The following ATP8B1 variants were observed in gnomAD, a reference collection of about 807,000 sequenced individuals.
ATP8B1 encodes the protein phospholipid-transporting ATPase IC.
In ATP8B1, 80 loss-of-function variants were observed where a neutral mutation model predicts 149.9. The ratio of observed to expected loss-of-function variants is 0.53; its 90% CI spans 0.45 to 0.64. ATP8B1 has a LOEUF of 0.64. ATP8B1 is among the 30% of genes least tolerant of loss of function. ATP8B1 has a pLI of 0.00. For synonymous variants in ATP8B1, 536 were observed against 562.8 expected (o/e 0.95, Z 0.67); for missense variants, 1,247 against 1,552.6 (o/e 0.80, Z 3.31).
chr18:57,729,417 A>G (rs2079738329), intron 2 of ATP8B1, among the ~76,000 whole-genome samples: 1 of 152,210 alleles, frequency 6.6e-6, no homozygotes, highest in Admixed American at 6.6e-5. Context: ...CTGTTTGGGC[A>G]ATCAACTAGA....
At chr18:57,711,455 T>A (rs976868588) in intron 2 of ATP8B1, among the ~76,000 whole-genome samples, 1 of 152,222 alleles carries the variant, frequency 6.6e-6, no homozygotes, top group Admixed American at 6.5e-5. Flanking sequence ...TGAATGCATA[T>A]ATGTACACAC....
chr18:57,652,051 G>T lies in ATP8B1; in HGVS notation c.3383C>A (p.Ser1128Tyr), dbSNP rs1330108602. ...HSAGIHVLFP[S>Y]AFQFTGTASN... ...ATACCAACCTGTAAATTGAAATGCA[G>T]ATGGAAAGAGAACATGTATTCCAGC... The change falls in exon 26 of 28, where the codon TCT becomes TAT. Residue 1128 changes from serine (S) to tyrosine (Y), a missense_variant. Ser to Tyr is a moderately radical substitution (Grantham distance 144, BLOSUM62 -2). This residue lies in a region of ATP8B1 where 230 missense variants were observed against 356.6 expected (regional missense o/e 0.65). Coordinates refer to ENST00000648908, the MANE Select transcript of ATP8B1 (RefSeq NM_001374385.1). 1 of 1,613,500 alleles carries T rather than the reference G, an allele frequency of 6.2e-7. No homozygotes were observed. Among genetic ancestry groups the T allele is most frequent in the Non-Finnish European group, 8.5e-7 (1 of 1,179,838 alleles).
chr18:57,800,823 C>T (rs1391308628), intron 1 of ATP8B1, among the ~76,000 whole-genome samples: 1 of 152,136 alleles, frequency 6.6e-6, no homozygotes, highest in Non-Finnish European at 1.5e-5. Context: ...TTTTCCACTA[C>T]TCCTTGCTTC....
chr18:57,663,648 T>C (rs1910653798), intron 20 of ATP8B1, among the ~76,000 whole-genome samples: 1 of 152,178 alleles, frequency 6.6e-6, no homozygotes, highest in Non-Finnish European at 1.5e-5. Flanking sequence ...TTATCTTGCT[T>C]TGGTTTTGAT....
intron 3 of ATP8B1, among the ~76,000 whole-genome samples, chr18:57,705,575 C>T (rs1417184090): frequency 1.3e-5 from 2 of 152,038 alleles, no homozygotes; most frequent in Non-Finnish European, 2.9e-5. Context: ...GAAGAGTGCC[C>T]CTTGAAGATG....
chr18:57,692,773 C>T (rs991208576), intron 11 of ATP8B1, among the ~76,000 whole-genome samples: 6 of 151,890 alleles, frequency 4.0e-5, no homozygotes, highest in African/African-American at 1.2e-4. Flanking sequence ...TATATTTGGG[C>T]GATTATTCCT....
chr18:57,789,309 C>T (rs1191770323), intron 1 of ATP8B1, among the ~76,000 whole-genome samples: 3 of 152,072 alleles, frequency 2.0e-5, no homozygotes, highest in African/African-American at 4.8e-5. Context: ...TGTGAGGTCT[C>T]GGAAAGAACC....
In ATP8B1 at chr18:57,652,134, A is replaced by G. The variant is rs149423934; in HGVS notation, c.3300T>C (p.Ala1100=). ...LDTSYWTFVN[A]FSIFGSIALY... The stretch of plus-strand genomic sequence containing the variant: ...GTGCAATGCTTCCAAAAATTGAAAA[A>G]GCATTCACAAAAGTCCAATAAGAAG... The change falls in exon 26 of 28, where the codon GCT becomes GCC. Residue 1100 remains alanine, a synonymous_variant. Coordinates refer to ENST00000648908, the MANE Select transcript of ATP8B1 (RefSeq NM_001374385.1). The G allele has an allele frequency of 5.0e-6, 8 of 1,614,038 alleles. No homozygotes were observed. Among genetic ancestry groups the G allele is most frequent in the Non-Finnish European group, 6.8e-6 (8 of 1,180,000 alleles).
At chr18:57,737,625 C>G (rs1017144790) in intron 1 of ATP8B1, 5 of 151,632 alleles carry the variant, frequency 3.3e-5, no homozygotes, top group Admixed American at 6.6e-5. Flanking sequence ...AGGCTGGTCT[C>G]AAACTCCGGG....
chr18:57,741,398 A>C (rs1356650947), intron 1 of ATP8B1, among the ~76,000 whole-genome samples: 1 of 152,184 alleles, frequency 6.6e-6, no homozygotes, highest in Non-Finnish European at 1.5e-5. Flanking sequence ...GCAAGATGTG[A>C]AGTTAGCATT....
intron 22 of ATP8B1, among the ~76,000 whole-genome samples, chr18:57,657,037 T>A (rs1056461022): frequency 6.6e-6 from 1 of 152,154 alleles, no homozygotes; most frequent in African/African-American, 2.4e-5. Context: ...CGTGCAGGTT[T>A]GTTACATGGG....
At position 57,667,118 on chromosome 18, in the gene ATP8B1, G is replaced by C; in HGVS notation, c.2259C>G (p.Thr753=). 1 of 1,613,174 alleles carries C rather than the reference G, an allele frequency of 6.2e-7. No individual in the cohort carries two copies. Residue 753 remains threonine (T), a synonymous_variant, in exon 20 of 28, where the codon ACC becomes ACG. Transcript: ENST00000648908. ...TAATATCCTCCCCATAGCAGATGGTGGTGTCTTCAGTCAGAAGTTCACAAG... is the reference window on the plus strand; with the variant it reads ...TAATATCCTCCCCATAGCAGATGGTCGTGTCTTCAGTCAGAAGTTCACAAG... ...GFACELLTED[T]TICYGEDINS...
intron 6 of ATP8B1, 151 bp from the exon 7 acceptor site, chr18:57,698,018 A>AG (rs1912910316): frequency 1.4e-6 from 1 of 705,038 alleles, no homozygotes. Flanking sequence ...AACATATTAA[A>AG]GGGGGGCATG....
intron 1 of ATP8B1, among the ~76,000 whole-genome samples, chr18:57,772,713 G>A (rs1032453508): frequency 2.0e-5 from 3 of 152,146 alleles, no homozygotes; most frequent in African/African-American, 7.2e-5. Context: ...TCTAAGGTAA[G>A]GCAGACCCTA....
At chr18:57,783,693 A>G (rs2123425531) in intron 1 of ATP8B1, among the ~76,000 whole-genome samples, 1 of 152,212 alleles carries the variant, frequency 6.6e-6, no homozygotes, top group East Asian at 1.9e-4. Flanking sequence ...AAAATTAGCC[A>G]GGCATGGTGG....
Position 57,647,562 on chromosome 18 carries a change from C to T in ATP8B1, c.*926G>A, listed in dbSNP as rs1909252648. 2 of 152,394 alleles carry T rather than the reference C, an allele frequency of 1.3e-5. No homozygotes were observed. The highest frequency in any genetic ancestry group is 4.8e-5 in the African/African-American group (2 of 41,382). 9.4% of individuals were successfully genotyped at this position (152,394 alleles called of 1,614,324 possible). On this transcript the variant is annotated 3_prime_UTR_variant, in exon 28 of 28. Transcript: ENST00000648908. Reference sequence around the variant, plus strand: ...TGGCCTATAGGGAGGAAAAAGGGGCCTCTGGGAAATTATGCTGAAGATCAC... The same window carrying T: ...TGGCCTATAGGGAGGAAAAAGGGGCTTCTGGGAAATTATGCTGAAGATCAC...
In ATP8B1 at chr18:57,685,075, T is replaced by C. The variant is rs780704126; in HGVS notation, c.1470A>G (p.Ile490Met). 2.5e-6 allele frequency: 4 copies of C among 1,614,202 alleles called. No homozygotes were observed. The Admixed American group carries it at 6.7e-5, about 27-fold the overall frequency. ...TTCTTCGGCTTAAAGGTCTTACCTC[T>C]ATTTTGTTGTGGTTGTGTTGAGAGG... is the stretch of plus-strand genomic sequence containing the variant. ...RDASQHNHNK[I>M]EQVDFSWNTY... is the part of the protein sequence containing the mutation. The change falls in exon 14 of 28, where the codon ATA (isoleucine) becomes ATG (methionine). Residue 490 changes from isoleucine (I) to methionine (M), a missense_variant. Ile to Met is a conservative substitution (Grantham distance 10). Coordinates refer to ENST00000648908, the MANE Select transcript of ATP8B1 (RefSeq NM_001374385.1).
At chr18:57,672,788 C>A (rs1215969621) in intron 16 of ATP8B1, among the ~76,000 whole-genome samples, 1 of 145,946 alleles carries the variant, frequency 6.9e-6, no homozygotes, top group African/African-American at 2.5e-5. Flanking sequence ...ATCACTTGAA[C>A]CAGGGAGGTA....
chr18:57,671,647 G>A, intron 16 of ATP8B1, 67 bp from the exon 17 acceptor site: 1 of 1,155,302 alleles, frequency 8.7e-7, no homozygotes, highest in Non-Finnish European at 1.3e-6. Flanking sequence ...TTTTGAGACA[G>A]GGTCTTGCTC....
Sources: allele counts gnomAD v4.1 joint callset (sites outside exome capture counted in the v4.1 genomes callset), GRCh38; gene constraint gnomAD v4.1.1; regional missense constraint gnomAD v4.1.1; transcripts MANE v1.5; gene names NCBI Gene and HGNC (gene_info 2026-07-23, HGNC 2026-07-21).